The following ROBO2 variants were observed in gnomAD, a reference collection of about 807,000 sequenced individuals.
ROBO2 encodes the protein roundabout guidance receptor 2.
ROBO2 carries 53 observed loss-of-function variants against 160.8 expected under a neutral mutation model. The ratio of observed to expected loss-of-function variants is 0.33; its 90% CI spans 0.26 to 0.41. The LOEUF (loss-of-function observed/expected upper bound fraction) is 0.41. Ranked by LOEUF, ROBO2 falls within the 10% of genes least tolerant of loss-of-function variation. The probability of loss-of-function intolerance (pLI) is 1.00; values close to 1 mark genes in which losing one functional copy is unlikely to be tolerated. For synonymous variants in ROBO2, 664 were observed against 611.7 expected (o/e 1.09, Z -1.26); for missense variants, 1,577 against 1,722.4 (o/e 0.92, Z 1.49).
chr3:76,581,424 G>A (rs559446711), intron 2 of ROBO2, among the ~76,000 whole-genome samples: 1 of 152,210 alleles, frequency 6.6e-6, no homozygotes, highest in East Asian at 1.9e-4. Context: ...CTGAATGAAG[G>A]AGGGAATTAC....
chr3:76,604,924 C>T (rs944891921), intron 2 of ROBO2, among the ~76,000 whole-genome samples: 6 of 152,046 alleles, frequency 3.9e-5, no homozygotes, highest in Admixed American at 3.9e-4. Context: ...ATTTATACAG[C>T]AAAGGTTGAA....
At chr3:77,445,844 T>C in intron 2 of ROBO2, among the ~76,000 whole-genome samples, 1 of 150,550 alleles carries the variant, frequency 6.6e-6, no homozygotes, top group Admixed American at 6.6e-5. Flanking sequence ...TAGCTTTCTG[T>C]AATATAAACC....
At chr3:77,439,736 GT>G in intron 2 of ROBO2, among the ~76,000 whole-genome samples, 2 of 152,134 alleles carry the variant, frequency 1.3e-5, no homozygotes, top group South Asian at 4.1e-4. Flanking sequence ...AACATTTCCT[GT>G]TTTTTCCTAC....
At chr3:76,382,099 G>A (rs1277524569) in intron 2 of ROBO2, among the ~76,000 whole-genome samples, 1 of 151,990 alleles carries the variant, frequency 6.6e-6, no homozygotes, top group East Asian at 1.9e-4. Context: ...CCTAGTAGCT[G>A]GGACTACAGG....
chr3:76,437,399 G>A (rs556456287), intron 2 of ROBO2, among the ~76,000 whole-genome samples: 1 of 152,116 alleles, frequency 6.6e-6, no homozygotes, highest in South Asian at 2.1e-4. Context: ...GCAGAGAAAT[G>A]GATATTTGAA....
intron 2 of ROBO2, among the ~76,000 whole-genome samples, chr3:76,083,668 T>G (rs931511575): frequency 6.6e-6 from 1 of 152,164 alleles, no homozygotes; most frequent in African/African-American, 2.4e-5. Context: ...AACCAGCATC[T>G]GAAATGTTCC....
At chr3:77,224,643 GATTT>G (rs925386421) in intron 2 of ROBO2, among the ~76,000 whole-genome samples, 4 of 151,784 alleles carry the variant, frequency 2.6e-5, no homozygotes, top group African/African-American at 9.6e-5. Flanking sequence ...TTGTTTGTTT[GATTT>G]ATTTGGAAGG....
chr3:75,919,517 C>T (rs1197492232), intron 1 of ROBO2, among the ~76,000 whole-genome samples: 2 of 152,044 alleles, frequency 1.3e-5, no homozygotes, highest in Non-Finnish European at 2.9e-5. Context: ...TGGGTCTTTG[C>T]CAGGTTTTGG....
chr3:75,998,747 G>C (rs1261942905), intron 2 of ROBO2, among the ~76,000 whole-genome samples: 1 of 152,184 alleles, frequency 6.6e-6, no homozygotes, highest in African/African-American at 2.4e-5. Context: ...ATTATAGGAT[G>C]ATGCAAGTTT....
chr3:76,376,041 G>C (rs1036752254), intron 2 of ROBO2, among the ~76,000 whole-genome samples: 1 of 151,994 alleles, frequency 6.6e-6, no homozygotes, highest in Non-Finnish European at 1.5e-5. Flanking sequence ...CTGAGAAGAA[G>C]ACTGTGTCTT....
chr3:77,291,091 C>T (rs1347729218), intron 2 of ROBO2, among the ~76,000 whole-genome samples: 24 of 137,048 alleles, frequency 1.8e-4, no homozygotes, highest in Non-Finnish European at 2.8e-4. Flanking sequence ...GTAAAATTGA[C>T]GGGTAAACGG....
At chr3:76,695,558 AGTTT>A (rs2092909918) in intron 2 of ROBO2, among the ~76,000 whole-genome samples, 1 of 152,172 alleles carries the variant, frequency 6.6e-6, no homozygotes, top group Admixed American at 6.6e-5. Flanking sequence ...TTTTATTATT[AGTTT>A]GTATTATTAA....
intron 5 of ROBO2, among the ~76,000 whole-genome samples, chr3:77,501,123 G>A (rs371534699): frequency 2.0e-5 from 3 of 152,112 alleles, no homozygotes; most frequent in African/African-American, 7.2e-5. Context: ...GGTTGTTAGA[G>A]CATTCAGTTA....
At chr3:76,798,105 A>G (rs2063835735) in intron 2 of ROBO2, among the ~76,000 whole-genome samples, 2 of 149,296 alleles carry the variant, frequency 1.3e-5, no homozygotes, top group Admixed American at 6.7e-5. Context: ...CACATTAAAA[A>G]AAAGAAAGAA....
intron 2 of ROBO2, among the ~76,000 whole-genome samples, chr3:76,556,683 G>T (rs1053646990): frequency 4.6e-5 from 7 of 152,016 alleles, no homozygotes; most frequent in African/African-American, 1.7e-4. Context: ...AAAAGCCTTA[G>T]TTATCAAAAG....
At chr3:75,943,478 T>G in intron 2 of ROBO2, among the ~76,000 whole-genome samples, 1 of 152,150 alleles carries the variant, frequency 6.6e-6, no homozygotes, top group East Asian at 1.9e-4. Flanking sequence ...GAATTAAGAT[T>G]TCATTTGGAG....
Position 76,100,940 on chromosome 3 carries a change from G to A in ROBO2, c.109+163338G>A, listed in dbSNP as rs77025558. 5.3e-3 allele frequency among the ~76,000 whole-genome samples: 813 copies of A among 152,190 alleles called. 21 individuals carry two copies. In the East Asian group the frequency reaches 0.1, roughly 19 times the overall value. ...AATTGTGAGCAAAGCGGGCATGGTCGTGGCTCACTGAATTTACAACTTAGT... is the reference window on the plus strand; with the variant it reads ...AATTGTGAGCAAAGCGGGCATGGTCATGGCTCACTGAATTTACAACTTAGT... On this transcript the variant is annotated intron_variant, in intron 2 of 26. Coordinates refer to the ROBO2 transcript ENST00000487694.
chr3:77,438,859 A>G (rs934588874), intron 2 of ROBO2, among the ~76,000 whole-genome samples: 2 of 152,076 alleles, frequency 1.3e-5, no homozygotes, highest in Non-Finnish European at 2.9e-5. Context: ...CTAAATAACT[A>G]TCATATAATA....
At chr3:77,494,410 C>T (rs974144110) in intron 5 of ROBO2, among the ~76,000 whole-genome samples, 1 of 152,038 alleles carries the variant, frequency 6.6e-6, no homozygotes, top group Non-Finnish European at 1.5e-5. Context: ...AACCCTGTCT[C>T]TACTAAAAAT....
Sources: allele counts gnomAD v4.1 joint callset (sites outside exome capture counted in the v4.1 genomes callset), GRCh38; gene constraint gnomAD v4.1.1; transcripts MANE v1.5; gene names NCBI Gene and HGNC (gene_info 2026-07-23, HGNC 2026-07-21).